CFAP299: variants seen among roughly 807,000 people sequenced by gnomAD.
CFAP299 encodes the protein cilia and flagella associated protein 299, also known as cilia- and flagella-associated protein 299.
A neutral mutation model predicts 27.0 loss-of-function variants in CFAP299; 21 were observed. That is an observed-to-expected ratio of 0.78 (90% confidence interval 0.55 to 1.12). The LOEUF is 1.12. CFAP299 is among the 50% of genes most tolerant of loss of function. The pLI is 0.00. For synonymous variants in CFAP299, 104 were observed against 98.1 expected (o/e 1.06, Z -0.36); for missense variants, 310 against 276.6 (o/e 1.12, Z -0.86).
intron 4 of CFAP299, chr4:80,870,370 A>T (rs1254673480): frequency 1.7e-6 from 2 of 1,168,284 alleles, no homozygotes; most frequent in Non-Finnish European, 2.1e-6. Context: ...TCCCAGTGAC[A>T]TTCCTTTTTA....
chr4:80,883,596 G>A (rs1366512830), intron 4 of CFAP299, among the ~76,000 whole-genome samples: 1 of 152,012 alleles, frequency 6.6e-6, no homozygotes, highest in Non-Finnish European at 1.5e-5. Flanking sequence ...TGAAAAAAAT[G>A]TTACATAAAG....
At chr4:80,369,776 A>C (rs1724039510) in intron 2 of CFAP299, among the ~76,000 whole-genome samples, 2 of 152,184 alleles carry the variant, frequency 1.3e-5, no homozygotes, top group African/African-American at 2.4e-5. Context: ...ATCCTAGTGC[A>C]TGCACATCGG....
At chr4:80,393,638 T>G (rs767043759) in intron 2 of CFAP299, among the ~76,000 whole-genome samples, 2 of 152,210 alleles carry the variant, frequency 1.3e-5, no homozygotes, top group Non-Finnish European at 2.9e-5. Context: ...TGTACATGTT[T>G]TTAGCCTAGG....
At chr4:80,871,276 C>A (rs1398770293) in intron 4 of CFAP299, 11 of 985,338 alleles carry the variant, frequency 1.1e-5, no homozygotes, top group Non-Finnish European at 1.3e-5. Context: ...TAACTTCTCT[C>A]TTGCAGTAAT....
chr4:80,917,208 G>A (rs904581130), intron 4 of CFAP299, among the ~76,000 whole-genome samples: 33 of 152,150 alleles, frequency 2.2e-4, no homozygotes, highest in Middle Eastern at 3.4e-3. Flanking sequence ...GATGAAGGCA[G>A]CACATCCAAA....
intron 2 of CFAP299, among the ~76,000 whole-genome samples, chr4:80,514,082 G>A (rs1237285644): frequency 6.6e-6 from 1 of 151,934 alleles, no homozygotes; most frequent in Non-Finnish European, 1.5e-5. Flanking sequence ...TCAAAAATGT[G>A]TGTTTTTTTG....
chr4:80,921,127 G>A (rs548357734), intron 4 of CFAP299, among the ~76,000 whole-genome samples: 56 of 151,956 alleles, frequency 3.7e-4, no homozygotes, highest in Middle Eastern at 3.4e-3. Flanking sequence ...AGAACAGTTC[G>A]GTATACTCTC....
chr4:80,692,221 G>A (rs1196784227), intron 3 of CFAP299, among the ~76,000 whole-genome samples: 1 of 152,126 alleles, frequency 6.6e-6, no homozygotes, highest in Non-Finnish European at 1.5e-5. Flanking sequence ...CACCAAAAAA[G>A]AGCCCGCATC....
chr4:80,701,238 G>T (rs1421398072), intron 3 of CFAP299, among the ~76,000 whole-genome samples: 1 of 151,964 alleles, frequency 6.6e-6, no homozygotes, highest in Non-Finnish European at 1.5e-5. Flanking sequence ...CATTGGATTG[G>T]GTTAGAAAGG....
At chr4:80,784,594 C>T (rs1316637692) in intron 3 of CFAP299, among the ~76,000 whole-genome samples, 1 of 151,810 alleles carries the variant, frequency 6.6e-6, no homozygotes, top group Non-Finnish European at 1.5e-5. Flanking sequence ...CTCGGCTCAC[C>T]GCAACCTTGG....
At chr4:80,630,626 A>C (rs1470866350) in intron 3 of CFAP299, among the ~76,000 whole-genome samples, 1 of 152,116 alleles carries the variant, frequency 6.6e-6, no homozygotes, top group African/African-American at 2.4e-5. Context: ...TCAAGGAAAG[A>C]CAAAGATATA....
intron 2 of CFAP299, among the ~76,000 whole-genome samples, chr4:80,507,639 C>T (rs1370814847): frequency 6.6e-6 from 1 of 152,188 alleles, no homozygotes; most frequent in Non-Finnish European, 1.5e-5. Flanking sequence ...CCTGTTTTCA[C>T]AGCTACTGCT....
intron 2 of CFAP299, among the ~76,000 whole-genome samples, chr4:80,428,827 CCACACCAGGCCAA>C (rs1727659456): frequency 6.6e-6 from 1 of 152,092 alleles, no homozygotes; most frequent in Admixed American, 6.6e-5. Flanking sequence ...GCGTGAGCCA[CCACACCAGGCCAA>C]CATTGCATTC....
intron 4 of CFAP299, among the ~76,000 whole-genome samples, chr4:80,915,469 G>A (rs1366751698): frequency 6.6e-6 from 1 of 151,722 alleles, no homozygotes; most frequent in Non-Finnish European, 1.5e-5. Context: ...TGGTTCCTTG[G>A]TGTAATTTTA....
chr4:80,738,897 T>C (rs2110062533), intron 3 of CFAP299, among the ~76,000 whole-genome samples: 1 of 152,156 alleles, frequency 6.6e-6, no homozygotes, highest in South Asian at 2.1e-4. Flanking sequence ...TTAATTTTTT[T>C]GTGTGTGTAT....
chr4:80,848,861 T>A (rs947034468), intron 3 of CFAP299, among the ~76,000 whole-genome samples: 1 of 152,150 alleles, frequency 6.6e-6, no homozygotes, highest in Non-Finnish European at 1.5e-5. Context: ...TGAATGGAGC[T>A]TGTACCACTG....
intron 2 of CFAP299, among the ~76,000 whole-genome samples, chr4:80,434,259 T>C (rs1727958519): frequency 1.3e-5 from 2 of 151,330 alleles, no homozygotes; most frequent in Admixed American, 1.3e-4. Flanking sequence ...CTTAAAATTG[T>C]AGAAAAAATA....
At chr4:80,890,891 C>T (rs1331440243) in intron 4 of CFAP299, among the ~76,000 whole-genome samples, 2 of 142,830 alleles carry the variant, frequency 1.4e-5, no homozygotes, top group Non-Finnish European at 3.1e-5. Context: ...GTCCTTCGCC[C>T]ACTTTTTGAT....
At chr4:80,851,224 A>G (rs1731504492) in intron 3 of CFAP299, among the ~76,000 whole-genome samples, 1 of 152,164 alleles carries the variant, frequency 6.6e-6, no homozygotes, top group South Asian at 2.1e-4. Context: ...GCATCTATAT[A>G]AAGAGGATCC....
Sources: gnomAD v4.1 joint callset for allele counts (sites outside exome capture counted in the v4.1 genomes callset) on GRCh38, gnomAD v4.1.1 for gene constraint, MANE v1.5 for transcripts, NCBI Gene and HGNC (gene_info 2026-07-23, HGNC 2026-07-21) for gene names.